Variants in HS3ST3A1 observed in about 807,000 individuals in gnomAD.
HS3ST3A1 encodes the protein heparan sulfate-glucosamine 3-sulfotransferase 3A1, also known as heparan sulfate glucosamine 3-O-sulfotransferase 3A1.
Under a neutral mutation model 25.7 loss-of-function variants are expected in HS3ST3A1, and 19 were observed. That is an observed-to-expected ratio of 0.74 (90% CI 0.52 to 1.08). The LOEUF is 1.08. Ranked by LOEUF, HS3ST3A1 falls within the 50% of genes least tolerant of loss-of-function variation. The pLI, the probability that HS3ST3A1 is intolerant of heterozygous loss-of-function variation, is 0.00. For synonymous variants in HS3ST3A1, 226 were observed against 278.6 expected, an observed-to-expected ratio of 0.81 and a Z score of 1.88; for missense variants, 459 against 594.3, an observed-to-expected ratio of 0.77 and a Z score of 2.37.
intron 1 of HS3ST3A1, among the ~76,000 whole-genome samples, chr17:13,589,759 GT>G (rs748423719): frequency 3.3e-4 from 50 of 152,240 alleles, no homozygotes; most frequent in Non-Finnish European, 5.4e-4. Flanking sequence ...TCGTGGCAGC[GT>G]TTTTTCAAAA....
intron 1 of HS3ST3A1, among the ~76,000 whole-genome samples, chr17:13,548,350 C>G (rs1475820343): frequency 1.3e-5 from 2 of 152,078 alleles, no homozygotes; most frequent in African/African-American, 4.8e-5. Context: ...TTAATAAGGG[C>G]ACTAATCCCG....
At chr17:13,582,633 A>G (rs187559992) in intron 1 of HS3ST3A1, among the ~76,000 whole-genome samples, 3 of 152,342 alleles carry the variant, frequency 2.0e-5, no homozygotes, top group African/African-American at 4.8e-5. Context: ...CGTGAAATGA[A>G]ACATTTAATG....
In HS3ST3A1 at chr17:13,585,870, G is replaced by T. The variant is rs867430673; in HGVS notation, c.599+14661C>A. 8.2e-3 allele frequency among the ~76,000 whole-genome samples: 580 copies of T among 71,006 alleles called. 25 individuals carry two copies. The highest frequency in any genetic ancestry group is 0.051 in the South Asian group (92 of 1,794). 46.6% of individuals were successfully genotyped at this position (71,006 alleles called of 152,430 possible). On this transcript the variant is annotated intron_variant, in intron 1 of 1. Coordinates refer to ENST00000284110, the MANE Select transcript of HS3ST3A1 (RefSeq NM_006042.3). ...TTTTTTTTTTTTTTTTTTTTTTTCT[G>T]ACAGAGTCTCGCTCTGTCGCCCAGG...
intron 1 of HS3ST3A1, among the ~76,000 whole-genome samples, chr17:13,505,960 G>A (rs1905654158): frequency 6.7e-6 from 1 of 150,050 alleles, no homozygotes; most frequent in African/African-American, 2.5e-5. Flanking sequence ...CCGGGAGGCG[G>A]AGGTTGCAGT....
At chr17:13,578,158 A>T (rs1233692026) in intron 1 of HS3ST3A1, among the ~76,000 whole-genome samples, 1 of 152,160 alleles carries the variant, frequency 6.6e-6, no homozygotes, top group Non-Finnish European at 1.5e-5. Flanking sequence ...ATCAAGTTAA[A>T]CATTGAACAA....
intron 1 of HS3ST3A1, among the ~76,000 whole-genome samples, chr17:13,564,719 C>CTT (rs397812904): frequency 0.013 from 1,597 of 124,272 alleles, 44 homozygotes; most frequent in African/African-American, 0.043. Context: ...GACTTCTTTC[C>CTT]TTTTTTTTTT....
intron 1 of HS3ST3A1, among the ~76,000 whole-genome samples, chr17:13,497,188 C>T (rs1289180099): frequency 2.0e-5 from 3 of 152,144 alleles, no homozygotes; most frequent in Non-Finnish European, 4.4e-5. Flanking sequence ...AGAATATTGT[C>T]ATAAACACAA....
At chr17:13,546,610 C>T (rs1156789504) in intron 1 of HS3ST3A1, among the ~76,000 whole-genome samples, 1 of 152,192 alleles carries the variant, frequency 6.6e-6, no homozygotes, top group Non-Finnish European at 1.5e-5. Flanking sequence ...TAGATTTTTC[C>T]TACTGATTTC....
rs1423704227 is a variant in HS3ST3A1, at chr17:13,496,354, G to T, written c.1064C>A (p.Ala355Glu). ...GCAATGGGGCCGGCTGCTGCCCTCC[G>T]CCTTCTTCAGGCAGGGGAAGCCCTT... ...KTKGFPCLKK[A>E]EGSSRPHCLG... Residue 355 changes from alanine (A) to glutamate (E), a missense_variant, in exon 2 of 2, where the codon GCG (alanine) becomes GAG (glutamate). Ala to Glu is a moderately radical substitution (Grantham distance 107). Transcript: ENST00000284110. 1 of 1,501,480 alleles carries T rather than the reference G, an allele frequency of 6.7e-7. No homozygotes were observed. The highest frequency in any genetic ancestry group is 9.1e-7 in the Non-Finnish European group (1 of 1,100,174). 93.0% of individuals were successfully genotyped at this position (1,501,480 alleles called of 1,614,324 possible).
chr17:13,548,800 C>G (rs190300324), intron 1 of HS3ST3A1, among the ~76,000 whole-genome samples: 117 of 152,240 alleles, frequency 7.7e-4, no homozygotes, highest in Admixed American at 1.2e-3. Context: ...ACACACCAAT[C>G]AGCACTCTGT....
chr17:13,542,762 A>G (rs1906971754), intron 1 of HS3ST3A1, among the ~76,000 whole-genome samples: 1 of 152,116 alleles, frequency 6.6e-6, no homozygotes, highest in Non-Finnish European at 1.5e-5. Context: ...GGGCTCCTGG[A>G]TAGCCTCAGG....
intron 1 of HS3ST3A1, among the ~76,000 whole-genome samples, chr17:13,565,614 A>G (rs1183683064): frequency 6.6e-6 from 1 of 152,226 alleles, no homozygotes; most frequent in Non-Finnish European, 1.5e-5. Flanking sequence ...TTCTAATTTT[A>G]CCATTGGTAA....
At chr17:13,580,519 TA>T (rs1022082809) in intron 1 of HS3ST3A1, among the ~76,000 whole-genome samples, 77 of 152,190 alleles carry the variant, frequency 5.1e-4, no homozygotes, top group African/African-American at 1.7e-3. Context: ...AACAAGTTAA[TA>T]AAAAATAATA....
Position 13,496,169 on chromosome 17 carries a change from A to ATTTTT in HS3ST3A1, c.*23_*27dup. 2 of 1,452,028 alleles carry ATTTTT rather than the reference A, an allele frequency of 1.4e-6. No homozygotes were observed. Among genetic ancestry groups the ATTTTT allele is most frequent in the Non-Finnish European group, 9.2e-7 (1 of 1,084,966 alleles). The allele number at this position is 1,452,028 out of a possible 1,614,324, so 89.9% of individuals were successfully genotyped here. On this transcript the variant is annotated 3_prime_UTR_variant, in exon 2 of 2. Transcript: ENST00000284110. The stretch of plus-strand genomic sequence containing the variant: ...TGGTAAAAAAATATATTATATTTTG[A>ATTTTT]TTTTTTTTTTCTTTTTAAATTATAT...
chr17:13,532,565 G>A (rs569592544), intron 1 of HS3ST3A1, among the ~76,000 whole-genome samples: 16 of 150,944 alleles, frequency 1.1e-4, no homozygotes, highest in African/African-American at 3.7e-4. Context: ...CAGGGCCCGA[G>A]GGGGGCCAGA....
At chr17:13,594,922 T>G (rs1455005402) in intron 1 of HS3ST3A1, among the ~76,000 whole-genome samples, 1 of 152,128 alleles carries the variant, frequency 6.6e-6, no homozygotes, top group East Asian at 1.9e-4. Context: ...AGTTCTCCCT[T>G]TAGGGGTTCC....
Position 13,496,516 on chromosome 17 carries a change from T to G in HS3ST3A1, c.902A>C (p.His301Pro), listed in dbSNP as rs1598404666. The change falls in exon 2 of 2, where the codon CAC becomes CCC. Residue 301 changes from histidine to proline, a missense_variant. By Grantham distance (77) the His-to-Pro change is moderately conservative. This residue lies in a region of HS3ST3A1 where 67 missense variants were observed against 231.4 expected (regional missense o/e 0.29). Coordinates refer to ENST00000284110, the MANE Select transcript of HS3ST3A1 (RefSeq NM_006042.3). ...GAAGAGCATCTGGCGGATGGGGAAG[T>G]GGCGCAGCCAGTGCTCCAGGTGCTT... Reference protein sequence around the residue: ...YAKHLEHWLRHFPIRQMLFVS... With the variant: ...YAKHLEHWLRPFPIRQMLFVS... The G allele has an allele frequency of 1.4e-6, 2 of 1,473,980 alleles. No individual in the cohort carries two copies. The highest frequency in any genetic ancestry group is 2.4e-5 in the East Asian group (1 of 41,420). 91.3% of individuals were successfully genotyped at this position (1,473,980 alleles called of 1,614,324 possible).
chr17:13,598,612 A>G (rs894242429), intron 1 of HS3ST3A1, among the ~76,000 whole-genome samples: 1 of 152,178 alleles, frequency 6.6e-6, no homozygotes, highest in African/African-American at 2.4e-5. Context: ...GATTTACTTT[A>G]TAGCATGCAT....
intron 1 of HS3ST3A1, among the ~76,000 whole-genome samples, chr17:13,504,622 A>C (rs2052010): frequency 1.3e-5 from 2 of 152,056 alleles, no homozygotes; most frequent in Non-Finnish European, 2.9e-5. Flanking sequence ...CCTTTTTTCT[A>C]TTTATGTTGT....
Sources: gnomAD v4.1 joint callset for allele counts (sites outside exome capture counted in the v4.1 genomes callset) on GRCh38, gnomAD v4.1.1 for gene constraint, gnomAD v4.1.1 regional missense constraint, MANE v1.5 for transcripts, NCBI Gene and HGNC (gene_info 2026-07-23, HGNC 2026-07-21) for gene names.